Variants in KIRREL3 observed in about 807,000 individuals in gnomAD.
KIRREL3 encodes kin of IRRE-like protein 3.
KIRREL3 carries 36 observed loss-of-function variants against 89.7 expected under a neutral mutation model. The observed-to-expected ratio is 0.40, with a 90% confidence interval of 0.31 to 0.53. KIRREL3 has a LOEUF of 0.53. Among genes scored for constraint, KIRREL3 ranks in the 20% least tolerant of loss-of-function variants. KIRREL3 has a pLI of 0.49. For synonymous variants in KIRREL3, 445 were observed against 441.4 expected, an observed-to-expected ratio of 1.01 and a Z score of -0.10; for missense variants, 864 against 1,056.6, an observed-to-expected ratio of 0.82 and a Z score of 2.53.
chr11:126,446,288 T>TTTC (rs1955804626), intron 9 of KIRREL3, among the ~76,000 whole-genome samples: 1 of 118,762 alleles, frequency 8.4e-6, no homozygotes, highest in Non-Finnish European at 1.8e-5. Context: ...TCTTTCTCCT[T>TTTC]TCTTTCTTTC....
intron 4 of KIRREL3, among the ~76,000 whole-genome samples, chr11:126,507,647 A>G (rs1192951808): frequency 6.6e-6 from 1 of 152,272 alleles, no homozygotes; most frequent in Non-Finnish European, 1.5e-5. Flanking sequence ...TGGAAGGCAC[A>G]TATACAGATG....
chr11:126,436,684 G>A, intron 12 of KIRREL3, 127 bp downstream of exon 12: 1 of 1,003,746 alleles, frequency 1.0e-6, no homozygotes, highest in Non-Finnish European at 1.5e-6. Flanking sequence ...TGGTCAGCCA[G>A]GAAGAGCACT....
At chr11:126,925,286 G>A (rs1445802120) in intron 1 of KIRREL3, among the ~76,000 whole-genome samples, 1 of 152,166 alleles carries the variant, frequency 6.6e-6, no homozygotes, top group Admixed American at 6.5e-5. Context: ...GACAGGATGA[G>A]AGAGCAGGCA....
At chr11:126,767,476 C>G (rs1211840385) in intron 1 of KIRREL3, among the ~76,000 whole-genome samples, 1 of 152,200 alleles carries the variant, frequency 6.6e-6, no homozygotes, top group Non-Finnish European at 1.5e-5. Context: ...CAGCAGGGAA[C>G]AGCGGAAAGA....
intron 1 of KIRREL3, among the ~76,000 whole-genome samples, chr11:126,787,586 A>C (rs1455574506): frequency 6.6e-6 from 1 of 152,186 alleles, no homozygotes; most frequent in African/African-American, 2.4e-5. Flanking sequence ...TGGAAAGATA[A>C]ATTTTTAATG....
intron 4 of KIRREL3, among the ~76,000 whole-genome samples, chr11:126,514,020 T>G (rs1333790492): frequency 6.6e-6 from 1 of 152,028 alleles, no homozygotes; most frequent in East Asian, 1.9e-4. Flanking sequence ...GTGGTGTCAG[T>G]GGCCAAAGGG....
intron 2 of KIRREL3, among the ~76,000 whole-genome samples, chr11:126,560,482 T>G (rs1940038182): frequency 6.6e-6 from 1 of 152,360 alleles, no homozygotes; most frequent in Middle Eastern, 3.4e-3. Context: ...GCAATTACTC[T>G]AACTTATGAT....
chr11:126,963,332 C>G (rs1384932807), intron 1 of KIRREL3, among the ~76,000 whole-genome samples: 1 of 150,828 alleles, frequency 6.6e-6, no homozygotes, highest in African/African-American at 2.5e-5. Context: ...CACACACACA[C>G]ACAGACACAC....
At chr11:126,731,320 C>G (rs1254721461) in intron 1 of KIRREL3, among the ~76,000 whole-genome samples, 1 of 152,176 alleles carries the variant, frequency 6.6e-6, no homozygotes, top group Admixed American at 6.5e-5. Context: ...GGGCCACTGC[C>G]TAGGTCTCAA....
intron 1 of KIRREL3, among the ~76,000 whole-genome samples, chr11:126,933,372 T>TC (rs1948038265): frequency 6.6e-6 from 1 of 151,848 alleles, no homozygotes. Flanking sequence ...GTCATTCTAG[T>TC]CCCTATTTGT....
chr11:126,869,039 AC>A (rs764678841), intron 1 of KIRREL3, among the ~76,000 whole-genome samples: 1 of 151,910 alleles, frequency 6.6e-6, no homozygotes, highest in South Asian at 2.1e-4. Context: ...TAATCTCATC[AC>A]CTTGGAGACT....
chr11:126,429,149 G>A lies in KIRREL3; in HGVS notation c.1806+30C>T. ...AGGACCTTCTGGGAATGGAGTCACG[G>A]GATGGGATGGGGCGTAATTGCATTC... On this transcript the variant is annotated intron_variant, in intron 15 of 16. Coordinates refer to ENST00000525144, the MANE Select transcript of KIRREL3 (RefSeq NM_032531.4). This position sits in a 1 kb window ranked among gnomAD's most constrained non-coding sequence, Gnocchi z 5.2. The A allele has an allele frequency of 7.1e-7, 1 of 1,405,034 alleles. No individual in the cohort carries two copies. The highest frequency in any genetic ancestry group is 1.0e-6 in the Non-Finnish European group (1 of 992,488). 87.0% of individuals were successfully genotyped at this position (1,405,034 alleles called of 1,614,324 possible).
In KIRREL3 at chr11:126,601,413, TC is replaced by T. The variant is rs1179341452; in HGVS notation, c.56-38502del. On this transcript the variant is annotated intron_variant, in intron 1 of 16. Transcript: ENST00000525144. The surrounding 1 kb of genome is among the most constrained non-coding windows in gnomAD (Gnocchi z 5.8). ...CACCTGCAATCTCATCTTGTTTCTT[TC>T]CAAGCACCAGGGAAGAAAAGCAATT... 1.5e-4 allele frequency among the ~76,000 whole-genome samples: 23 copies of T among 152,230 alleles called. No homozygotes were observed. The highest frequency in any genetic ancestry group is 7.9e-4 in the Admixed American group (12 of 15,282).
intron 10 of KIRREL3, 76 bp downstream of exon 10, chr11:126,444,903 G>T (rs1471791256): frequency 2.6e-5 from 42 of 1,590,596 alleles, no homozygotes; most frequent in Non-Finnish European, 3.3e-5. Flanking sequence ...GCTCCTTTGG[G>T]GCTATGCCTG....
chr11:126,429,095 A>G lies in KIRREL3; in HGVS notation c.1806+84T>C, dbSNP rs1955038588. 1 of 855,060 alleles carries G rather than the reference A, an allele frequency of 1.2e-6. No homozygotes were observed. The highest frequency in any genetic ancestry group is 1.5e-5 in the South Asian group (1 of 65,012). 53.0% of individuals were successfully genotyped at this position (855,060 alleles called of 1,614,324 possible). A position where few individuals can be genotyped will look rare whatever the true frequency, so the allele number is the denominator to read the frequency against. The stretch of plus-strand genomic sequence containing the variant: ...GAACGCTGCTCTGCTTTTTGGAAGC[A>G]TCTAGTTCATTGAGAAGCCTCTAGT... On this transcript the variant is annotated intron_variant, in intron 15 of 16. Coordinates refer to ENST00000525144, the MANE Select transcript of KIRREL3 (RefSeq NM_032531.4). The surrounding 1 kb of genome is among the most constrained non-coding windows in gnomAD (Gnocchi z 5.2).
At chr11:126,638,469 A>G (rs572387753) in intron 1 of KIRREL3, among the ~76,000 whole-genome samples, 1 of 152,204 alleles carries the variant, frequency 6.6e-6, no homozygotes, top group Admixed American at 6.5e-5. Flanking sequence ...TGTGTTCTAT[A>G]CTGAGTCTGG....
chr11:126,781,857 TA>T (rs2134330222), intron 1 of KIRREL3, among the ~76,000 whole-genome samples: 1 of 152,316 alleles, frequency 6.6e-6, no homozygotes, highest in East Asian at 1.9e-4. Flanking sequence ...TTGGTAGAAA[TA>T]GGGGCCACTT....
Position 126,562,726 on chromosome 11 carries a change from C to A in KIRREL3, c.133+109G>T. The A allele has an allele frequency of 1.1e-6, 1 of 877,116 alleles. No individual in the cohort carries two copies. Among genetic ancestry groups the A allele is most frequent in the Non-Finnish European group, 1.8e-6 (1 of 546,522 alleles). The allele number at this position is 877,116 out of a possible 1,614,324, so 54.3% of individuals were successfully genotyped here. On this transcript the variant is annotated intron_variant, in intron 2 of 16. Coordinates refer to ENST00000525144, the MANE Select transcript of KIRREL3 (RefSeq NM_032531.4). The surrounding 1 kb of genome is among the most constrained non-coding windows in gnomAD (Gnocchi z 4.7). ...ACCAAACTGGTCTTCCCACTGTCCC[C>A]TTCTGAGAGGTCCCAGGTTCTTATT...
intron 1 of KIRREL3, among the ~76,000 whole-genome samples, chr11:126,657,653 T>C (rs904653598): frequency 6.6e-6 from 1 of 151,976 alleles, no homozygotes; most frequent in Non-Finnish European, 1.5e-5. Context: ...ACAGAGACAG[T>C]CCGTCCCCAG....
Sources: gnomAD v4.1 joint callset for allele counts (sites outside exome capture counted in the v4.1 genomes callset) on GRCh38, gnomAD v4.1.1 for gene constraint, Gnocchi (gnomAD v3.1) non-coding constraint, MANE v1.5 for transcripts, NCBI Gene and HGNC (gene_info 2026-07-23, HGNC 2026-07-21) for gene names.